RAPGEF2: variants seen among roughly 807,000 people sequenced by gnomAD.
RAPGEF2 encodes the protein Rap guanine nucleotide exchange factor 2.
Under a neutral mutation model 186.7 loss-of-function variants are expected in RAPGEF2, and 54 were observed. The ratio of observed to expected loss-of-function variants is 0.29; its 90% CI spans 0.23 to 0.36. The LOEUF is 0.36. RAPGEF2 is among the 10% of genes least tolerant of loss of function. RAPGEF2 has a pLI of 1.00. For missense variants in RAPGEF2, 1,532 were observed against 2,045.0 expected (o/e 0.75, Z 4.84); for synonymous variants, 712 against 705.9 (o/e 1.01, Z -0.14).
chr4:159,119,683 A>G (rs968000618), intron 1 of RAPGEF2, among the ~76,000 whole-genome samples: 1 of 152,156 alleles, frequency 6.6e-6, no homozygotes, highest in Non-Finnish European at 1.5e-5. Context: ...TAATTTTTTG[A>G]ACCTCAGTCT....
intron 1 of RAPGEF2, among the ~76,000 whole-genome samples, chr4:159,120,306 C>T (rs1306448420): frequency 6.7e-6 from 1 of 149,900 alleles, no homozygotes; most frequent in Non-Finnish European, 1.5e-5. Context: ...AGGCGTGAGC[C>T]ATTGCACCCA....
rs922286973 is a variant in RAPGEF2 at position 159,174,484 on chromosome 4, T to G, written c.70-12158T>G. On this transcript the variant is annotated intron_variant, in intron 1 of 29. Coordinates refer to ENST00000691494, the MANE Select transcript of RAPGEF2 (RefSeq NM_001394067.2). The stretch of plus-strand genomic sequence containing the variant: ...TTAGAAGACGAATGGGATAAAAGAG[T>G]GTTTTGTTGTAATTTACAAGTCTGT... 8.5e-5 allele frequency among the ~76,000 whole-genome samples: 13 copies of G among 152,106 alleles called. 1 individual carries two copies. In the East Asian group the frequency reaches 1.2e-3, roughly 14 times the overall value.
chr4:159,332,012 C>A lies in RAPGEF2; in HGVS notation c.1866C>A (p.Ile622=). 6.3e-7 allele frequency: 1 copy of A among 1,599,596 alleles called. No homozygotes were observed. Among genetic ancestry groups the A allele is most frequent in the Non-Finnish European group, 8.5e-7 (1 of 1,174,090 alleles). ...TTAGAAATAACACACATTTATCTAT[C>A]ACTGTGAAAACCAATTTATTTGGTA... The part of the protein sequence containing the change: ...EILRNNTHLS[I]TVKTNLFVFK... Residue 622 remains isoleucine (I), a synonymous_variant, in exon 16 of 30, where the codon ATC becomes ATA. Coordinates refer to ENST00000691494, the MANE Select transcript of RAPGEF2 (RefSeq NM_001394067.2).
At chr4:159,267,372 G>T (rs1757549246) in intron 7 of RAPGEF2, 8 of 1,246,532 alleles carry the variant, frequency 6.4e-6, no homozygotes, top group Middle Eastern at 2.2e-4. Flanking sequence ...TTGAGATTGT[G>T]TGTGTGCATG....
rs1385628262 is a variant in RAPGEF2, at chr4:159,261,126, A to C, written c.543+17335A>C. Among the ~76,000 whole-genome samples the C allele has an allele frequency of 2.0e-5, 3 of 151,254 alleles. No homozygotes were observed. The East Asian group carries it at 5.9e-4, about 30-fold the overall frequency. Reference sequence around the variant, plus strand: ...CCCAGGCTGGAAGTGCAGTGGTGCAATCTTGGCTCACTGCAAGCTCTCCCT... The same window carrying C: ...CCCAGGCTGGAAGTGCAGTGGTGCACTCTTGGCTCACTGCAAGCTCTCCCT... On this transcript the variant is annotated intron_variant, in intron 7 of 29. Transcript: ENST00000691494.
chr4:159,306,278 ATTGT>A (rs1269620839), intron 8 of RAPGEF2, among the ~76,000 whole-genome samples: 4 of 151,994 alleles, frequency 2.6e-5, no homozygotes, highest in East Asian at 1.9e-4. Context: ...ATGTTTTCTC[ATTGT>A]TTGTGTCATC....
At chr4:159,141,594 A>ATG (rs34423998) in intron 1 of RAPGEF2, among the ~76,000 whole-genome samples, 32,540 of 151,072 alleles carry the variant, frequency 0.22, 4,399 homozygotes, top group Non-Finnish European at 0.31. Context: ...ATATATATAT[A>ATG]TTTATATATA....
chr4:159,192,371 G>A (rs1299408085), intron 2 of RAPGEF2, among the ~76,000 whole-genome samples: 2 of 152,186 alleles, frequency 1.3e-5, no homozygotes, highest in Non-Finnish European at 2.9e-5. Context: ...GATGGATGTG[G>A]GGTGATTCTA....
chr4:159,290,829 G>T (rs898001482), intron 7 of RAPGEF2, among the ~76,000 whole-genome samples: 5 of 152,222 alleles, frequency 3.3e-5, no homozygotes, highest in Middle Eastern at 3.4e-3. Flanking sequence ...ATTCCTGCTG[G>T]CCCTAGACAG....
At chr4:159,334,404 A>G (rs1767116757) in intron 17 of RAPGEF2, among the ~76,000 whole-genome samples, 1 of 152,068 alleles carries the variant, frequency 6.6e-6, no homozygotes, top group Admixed American at 6.6e-5. Flanking sequence ...GTGCACCACC[A>G]TGCTCGGCTA....
chr4:159,138,535 T>C (rs1741966541), intron 1 of RAPGEF2, among the ~76,000 whole-genome samples: 1 of 152,232 alleles, frequency 6.6e-6, no homozygotes, highest in Admixed American at 6.5e-5. Context: ...ACTGTGTTCA[T>C]ATCTCTTTGG....
chr4:159,152,178 C>T lies in RAPGEF2; in HGVS notation c.70-34464C>T, dbSNP rs1439946713. Among the ~76,000 whole-genome samples, 4 of 151,794 alleles carry T rather than the reference C, an allele frequency of 2.6e-5. No individual in the cohort carries two copies. The South Asian group carries it at 8.3e-4, about 32-fold the overall frequency. On this transcript the variant is annotated intron_variant, in intron 1 of 29. Transcript: ENST00000691494. ...CTCTACAAAAAATACAAAATTTAGCCAGGCATAGTGTTGCACGCCTGTAGT... is the reference window on the plus strand; with the variant it reads ...CTCTACAAAAAATACAAAATTTAGCTAGGCATAGTGTTGCACGCCTGTAGT...
chr4:159,314,212 AC>A (rs1354552340), intron 8 of RAPGEF2, among the ~76,000 whole-genome samples: 3 of 152,314 alleles, frequency 2.0e-5, no homozygotes, highest in Admixed American at 6.5e-5. Flanking sequence ...ATAAATTCAC[AC>A]CTATTCTGCA....
intron 1 of RAPGEF2, among the ~76,000 whole-genome samples, chr4:159,169,943 C>G (rs551647608): frequency 1.3e-5 from 2 of 151,970 alleles, no homozygotes; most frequent in Admixed American, 1.3e-4. Context: ...GTAGTGGGAC[C>G]GCTTGATCAT....
In RAPGEF2 at chr4:159,174,892, G is replaced by A. The variant is rs186390119; in HGVS notation, c.70-11750G>A. 2.2e-3 allele frequency among the ~76,000 whole-genome samples: 330 copies of A among 152,030 alleles called. 2 individuals carry two copies. The highest frequency in any genetic ancestry group is 7.4e-3 in the African/African-American group (306 of 41,496). ...CTACCTCAGCTTCTCCAGTAACTGG[G>A]ACCACAGGTGCTCGTCACCACACCT... On this transcript the variant is annotated intron_variant, in intron 1 of 29. Coordinates refer to ENST00000691494, the MANE Select transcript of RAPGEF2 (RefSeq NM_001394067.2).
chr4:159,195,251 T>C (rs1170270213), intron 3 of RAPGEF2, among the ~76,000 whole-genome samples: 1 of 152,236 alleles, frequency 6.6e-6, no homozygotes, highest in African/African-American at 2.4e-5. Context: ...TAAAGTGTTA[T>C]TTTGGGAGCA....
At chr4:159,247,511 A>C (rs1754781716) in intron 7 of RAPGEF2, among the ~76,000 whole-genome samples, 1 of 152,186 alleles carries the variant, frequency 6.6e-6, no homozygotes, top group African/African-American at 2.4e-5. Context: ...GAACTTTTTC[A>C]TGACTGTAAG....
chr4:159,191,859 G>A (rs1561066135), intron 2 of RAPGEF2, among the ~76,000 whole-genome samples: 2 of 152,084 alleles, frequency 1.3e-5, no homozygotes, highest in South Asian at 4.1e-4. Flanking sequence ...GAGGAGTTCC[G>A]CCCACACGAT....
In RAPGEF2 at chr4:159,161,438, T is replaced by C. The variant is rs376866235; in HGVS notation, c.70-25204T>C. 2.4e-4 allele frequency among the ~76,000 whole-genome samples: 36 copies of C among 152,284 alleles called. No homozygotes were observed. In the South Asian group the frequency reaches 7.0e-3, roughly 30 times the overall value. On this transcript the variant is annotated intron_variant, in intron 1 of 29. Coordinates refer to ENST00000691494, the MANE Select transcript of RAPGEF2 (RefSeq NM_001394067.2). ...AAATAATTTAGGCTGGGCACCGTGG[T>C]TTATGCCTGTAATCCCAGCACTTTG...
Sources: gnomAD v4.1 joint callset for allele counts (sites outside exome capture counted in the v4.1 genomes callset) on GRCh38, gnomAD v4.1.1 for gene constraint, MANE v1.5 for transcripts, NCBI Gene and HGNC (gene_info 2026-07-23, HGNC 2026-07-21) for gene names.